Variants in CLUL1 observed in about 807,000 individuals in gnomAD.
CLUL1 encodes the protein clusterin like 1.
Under a neutral mutation model 49.4 loss-of-function variants are expected in CLUL1, and 43 were observed. The observed-to-expected ratio is 0.87, with a 90% confidence interval of 0.68 to 1.12. CLUL1 has a LOEUF of 1.12. Among genes scored for constraint, CLUL1 ranks in the 50% most tolerant of loss-of-function variants. The pLI is 0.00. For missense variants in CLUL1, 486 were observed against 544.4 expected, an observed-to-expected ratio of 0.89 and a Z score of 1.07; for synonymous variants, 192 against 184.9, an observed-to-expected ratio of 1.04 and a Z score of -0.31.
intron 8 of CLUL1, among the ~76,000 whole-genome samples, chr18:643,769 T>C (rs746838756): frequency 6.6e-6 from 1 of 152,210 alleles, no homozygotes; most frequent in Non-Finnish European, 1.5e-5. Flanking sequence ...TTCTAAGAAC[T>C]TTTTCCATAT....
rs1245865796 is a variant in CLUL1 at position 619,328 on chromosome 18, G to A, written c.222G>A (p.Met74Ile). Residue 74 changes from methionine (M) to isoleucine (I), a missense_variant, in exon 4 of 10, where the codon ATG becomes ATA. By Grantham distance (10) the Met-to-Ile change is conservative. Transcript: ENST00000692774. ...ERKEKEHTNL[M>I]STLKKCREEK... Reference sequence around the variant, plus strand: ...AAGAGAAGGAACACACCAATCTAATGAGCACCCTGAAGAAATGCAGAGAAG... The same window carrying A: ...AAGAGAAGGAACACACCAATCTAATAAGCACCCTGAAGAAATGCAGAGAAG... 1.2e-6 allele frequency: 2 copies of A among 1,613,608 alleles called. No individual in the cohort carries two copies. The highest frequency in any genetic ancestry group is 2.2e-5 in the East Asian group (1 of 44,846).
chr18:625,112 T>C (rs1454204469), intron 5 of CLUL1, 80 bp downstream of exon 5: 9 of 1,411,942 alleles, frequency 6.4e-6, no homozygotes, highest in Non-Finnish European at 7.7e-6. Context: ...TTTATGTTAA[T>C]ATTTAGAACG....
chr18:630,586 T>TA (rs1348926540), intron 6 of CLUL1, among the ~76,000 whole-genome samples: 1 of 150,844 alleles, frequency 6.6e-6, no homozygotes, highest in African/African-American at 2.4e-5. Flanking sequence ...AGGAGCCGAG[T>TA]AATGTAGGTG....
chr18:636,251 T>C (rs898824350), intron 7 of CLUL1, among the ~76,000 whole-genome samples: 14 of 152,210 alleles, frequency 9.2e-5, no homozygotes, highest in Non-Finnish European at 1.8e-4. Flanking sequence ...CATCATAAGT[T>C]TGAAAAATCA....
chr18:614,547 G>A (rs1229962662), intron 2 of CLUL1: 1 of 152,162 alleles, frequency 6.6e-6, no homozygotes, highest in East Asian at 1.9e-4. Context: ...GACTGTGGAA[G>A]GACTTCTACC....
At chr18:638,024 T>C (rs1049540330) in intron 7 of CLUL1, among the ~76,000 whole-genome samples, 1 of 151,650 alleles carries the variant, frequency 6.6e-6, no homozygotes, top group Non-Finnish European at 1.5e-5. Flanking sequence ...AAAAAAGGAG[T>C]GCTCTCTCTC....
Position 627,502 on chromosome 18 carries a change from A to G in CLUL1, c.829A>G (p.Ile277Val), listed in dbSNP as rs2073845902. Residue 277 changes from isoleucine to valine, a missense_variant, in exon 6 of 10, where the codon ATA (isoleucine) becomes GTA (valine). Transcript: ENST00000692774. ...AACAATTACTAAGATGCTGAAGGCA[A>G]TAGAAGATTTACCAAAACAAGACAA... Reference protein sequence around the residue: ...SETITKMLKAIEDLPKQDKAP... With the variant: ...SETITKMLKAVEDLPKQDKAP... 6.2e-7 allele frequency: 1 copy of G among 1,609,476 alleles called. No homozygotes were observed. Among genetic ancestry groups the G allele is most frequent in the Non-Finnish European group, 8.5e-7 (1 of 1,176,958 alleles).
chr18:639,882 G>T (rs955058408), intron 7 of CLUL1, among the ~76,000 whole-genome samples: 7 of 152,190 alleles, frequency 4.6e-5, no homozygotes, highest in Admixed American at 4.6e-4. Context: ...TTAGAGCTGG[G>T]TCAAAGAAGT....
At chr18:646,541 A>G (rs2074515142) in intron 9 of CLUL1, among the ~76,000 whole-genome samples, 1 of 124,868 alleles carries the variant, frequency 8.0e-6, no homozygotes, top group Admixed American at 7.8e-5. Flanking sequence ...CACACACACT[A>G]TAAAGCAAGG....
intron 6 of CLUL1, among the ~76,000 whole-genome samples, chr18:632,591 A>G (rs1001447035): frequency 6.6e-6 from 1 of 152,166 alleles, no homozygotes; most frequent in African/African-American, 2.4e-5. Flanking sequence ...TATAAGACAA[A>G]TGATTTTTAA....
intron 8 of CLUL1, among the ~76,000 whole-genome samples, chr18:642,588 G>A (rs968591536): frequency 2.0e-5 from 3 of 151,994 alleles, no homozygotes; most frequent in Non-Finnish European, 4.4e-5. Context: ...CTACAAATGC[G>A]CCAGGCTAGT....
At chr18:625,559 A>ACC (rs368017834) in intron 5 of CLUL1, among the ~76,000 whole-genome samples, 10 of 133,190 alleles carry the variant, frequency 7.5e-5, no homozygotes, top group East Asian at 4.5e-4. Flanking sequence ...ACACACACAC[A>ACC]CCCCTTCATG....
Position 644,990 on chromosome 18 carries a change from T to G in CLUL1, c.1290T>G (p.Ser430=). 6.2e-7 allele frequency: 1 copy of G among 1,613,804 alleles called. No individual in the cohort carries two copies. Among genetic ancestry groups the G allele is most frequent in the South Asian group, 1.1e-5 (1 of 91,000 alleles). The change falls in exon 9 of 10, where the codon TCT becomes TCG. Residue 430 remains serine (S), a synonymous_variant. Transcript: ENST00000692774. The part of the protein sequence containing the change: ...MMTDLSILPS[S]NFTLKIPLEE... ...CAGACTTAAGCATTCTGCCTTCCTC[T>G]AATTTCACACTCAAGATCCCTCTTG...
At chr18:600,395 ACTGCAAAAAG>A (rs1276448680) in intron 1 of CLUL1, among the ~76,000 whole-genome samples, 25 of 152,366 alleles carry the variant, frequency 1.6e-4, no homozygotes, top group Non-Finnish European at 3.5e-4. Context: ...ATAAGGACTT[ACTGCAAAAAG>A]TCTTCTATTG....
intron 9 of CLUL1, among the ~76,000 whole-genome samples, chr18:646,499 C>T (rs1442132257): frequency 7.8e-5 from 3 of 38,494 alleles, no homozygotes; most frequent in African/African-American, 3.0e-4. Context: ...GATAGATAGA[C>T]ACACACACAC....
Position 641,423 on chromosome 18 carries a change from C to A in CLUL1, c.1091C>A (p.Thr364Asn), listed in dbSNP as rs757347979. Residue 364 changes from threonine to asparagine, a missense_variant, in exon 8 of 10, where the codon ACC becomes AAC. Transcript: ENST00000692774. ...NQQYGQILQM[T>N]RKHLEDTAYL... ...CAGTATGGCCAGATTCTCCAGATGA[C>A]CCGGAAGCACTTGGAGGACACCGCC... 1 of 1,614,148 alleles carries A rather than the reference C, an allele frequency of 6.2e-7. No individual in the cohort carries two copies. The highest frequency in any genetic ancestry group is 8.5e-7 in the Non-Finnish European group (1 of 1,180,006).
chr18:610,520 G>A (rs897745294), intron 2 of CLUL1, among the ~76,000 whole-genome samples: 8 of 152,170 alleles, frequency 5.3e-5, no homozygotes, highest in African/African-American at 1.2e-4. Flanking sequence ...AGAGACAGCC[G>A]GTAGAAGGTT....
intron 1 of CLUL1, among the ~76,000 whole-genome samples, chr18:603,429 C>T (rs913162301): frequency 3.3e-5 from 5 of 152,104 alleles, no homozygotes; most frequent in Non-Finnish European, 7.4e-5. Flanking sequence ...GAAGAAAATG[C>T]ACAGCACAGT....
chr18:602,315 C>T (rs1325830795), intron 1 of CLUL1, among the ~76,000 whole-genome samples: 1 of 152,160 alleles, frequency 6.6e-6, no homozygotes, highest in Non-Finnish European at 1.5e-5. Flanking sequence ...TGTTCTCCCC[C>T]TCTCCTCCAG....
Sources: gnomAD v4.1 joint callset for allele counts (sites outside exome capture counted in the v4.1 genomes callset) on GRCh38, gnomAD v4.1.1 for gene constraint, MANE v1.5 for transcripts, NCBI Gene and HGNC (gene_info 2026-07-23, HGNC 2026-07-21) for gene names.